TSGA10IP: variants seen among roughly 807,000 people sequenced by gnomAD.
TSGA10IP encodes testis specific 10 interacting protein.
Under a neutral mutation model 63.2 loss-of-function variants are expected in TSGA10IP, and 64 were observed. The observed-to-expected ratio is 1.01, with a 90% CI of 0.83 to 1.25. The LOEUF is 1.25. TSGA10IP is among the 50% of genes most tolerant of loss of function. The pLI is 0.00. For synonymous variants in TSGA10IP, 316 were observed against 298.3 expected, an observed-to-expected ratio of 1.06 and a Z score of -0.61; for missense variants, 681 against 710.1, an observed-to-expected ratio of 0.96 and a Z score of 0.47.
intron 1 of TSGA10IP, among the ~76,000 whole-genome samples, chr11:65,946,188 G>A (rs751419755): frequency 1.3e-5 from 2 of 152,222 alleles, no homozygotes; most frequent in South Asian, 2.1e-4. Flanking sequence ...GTGGCCTAGC[G>A]CAATGGTGAC....
At position 65,948,077 on chromosome 11, in the gene TSGA10IP, G is replaced by A. The variant is rs968758930; in HGVS notation, c.1080G>A (p.Ser360=). ...AGCGGAATGGAAAGGCCTATGCCTCGGGATACGATGAAACTTTCGTGTCTG... is the reference window on the plus strand; with the variant it reads ...AGCGGAATGGAAAGGCCTATGCCTCAGGATACGATGAAACTTTCGTGTCTG... Residue 360 remains serine (S), a synonymous_variant, in exon 4 of 8, where the codon TCG becomes TCA. Transcript: ENST00000532620. The A allele has an allele frequency of 7.5e-6, 12 of 1,590,766 alleles. No homozygotes were observed. In the East Asian group the frequency reaches 1.1e-4, roughly 15 times the overall value.
intron 5 of TSGA10IP, among the ~76,000 whole-genome samples, chr11:65,955,612 C>CA (rs112447996): frequency 0.04 from 4,903 of 122,388 alleles, 254 homozygotes; most frequent in African/African-American, 0.13. Context: ...GACTCCGTTT[C>CA]AAAAAAAAAA....
intron 5 of TSGA10IP, among the ~76,000 whole-genome samples, chr11:65,958,504 C>A (rs554594158): frequency 3.7e-4 from 56 of 152,276 alleles, no homozygotes; most frequent in Non-Finnish European, 7.1e-4. Flanking sequence ...ACAGCTCCCC[C>A]TCAAGGGAAA....
chr11:65,953,693 G>A, exon 5 of TSGA10IP: 1 of 1,582,558 alleles, frequency 6.3e-7, no homozygotes. Context: ...CACCCAGAGG[G>A]AGCCGGGGCC....
intron 5 of TSGA10IP, among the ~76,000 whole-genome samples, chr11:65,957,653 T>G (rs972348923): frequency 1.3e-5 from 2 of 152,146 alleles, no homozygotes; most frequent in African/African-American, 4.8e-5. Context: ...AAGGGTGGCA[T>G]GGCCCAGCAA....
exon 4 of TSGA10IP, chr11:65,948,053 G>A: frequency 6.3e-7 from 1 of 1,577,098 alleles, no homozygotes; most frequent in Non-Finnish European, 8.6e-7. Flanking sequence ...AGGCCTCCAA[G>A]CGGAATGGAA....
rs746617550 is a variant in TSGA10IP at position 65,946,897 on chromosome 11, T to C, written c.165T>C (p.Gly55=). ...CTGCCCAGGGCTGCCTGGGGAGTGG[T>C]GATGGTGTGCCAAATCAAGACCTGC... Residue 55 remains glycine (G), a synonymous_variant, in exon 2 of 8, where the codon GGT becomes GGC. Coordinates refer to ENST00000532620, the Ensembl canonical transcript of TSGA10IP. 4.3e-6 allele frequency: 7 copies of C among 1,613,786 alleles called. No homozygotes were observed. The South Asian group carries it at 7.7e-5, about 18-fold the overall frequency.
intron 5 of TSGA10IP, among the ~76,000 whole-genome samples, chr11:65,956,926 T>C (rs890948935): frequency 2.6e-5 from 4 of 152,196 alleles, no homozygotes; most frequent in African/African-American, 9.7e-5. Flanking sequence ...TCCTTTTACT[T>C]TCTATTTGAG....
chr11:65,957,744 C>T (rs1855050122), intron 5 of TSGA10IP, among the ~76,000 whole-genome samples: 1 of 152,106 alleles, frequency 6.6e-6, no homozygotes, highest in Admixed American at 6.6e-5. Context: ...TCTCCCCTCC[C>T]CTCCTGTCCT....
chr11:65,951,299 C>T (rs1485996841), intron 4 of TSGA10IP, among the ~76,000 whole-genome samples: 1 of 151,964 alleles, frequency 6.6e-6, no homozygotes, highest in Admixed American at 6.6e-5. Flanking sequence ...AATGACTGTA[C>T]TAATTTATAT....
rs1854995588 is a variant in TSGA10IP at position 65,954,648 on chromosome 11, T to C, written c.1322+911T>C. ...CCCTGACCAACATGGTGAAACCTCA[T>C]CTCTACTAAAAATACAAAAAGTAGC... On this transcript the variant is annotated intron_variant, in intron 5 of 7. Coordinates refer to ENST00000532620, the Ensembl canonical transcript of TSGA10IP. Among the ~76,000 whole-genome samples, 4 of 151,964 alleles carry C rather than the reference T, an allele frequency of 2.6e-5. No homozygotes were observed. The South Asian group carries it at 6.2e-4, about 24-fold the overall frequency.
At position 65,947,070 on chromosome 11, in the gene TSGA10IP, G is replaced by T. The variant is rs371835572; in HGVS notation, c.285-40G>T. On this transcript the variant is annotated intron_variant, in intron 2 of 7. Coordinates refer to ENST00000532620, the Ensembl canonical transcript of TSGA10IP. ...CTGTTGGGGGTCAGGGCCCTCTGGG[G>T]GCTGGCGCCGACCCTGACCCCCACC... is the stretch of plus-strand genomic sequence containing the variant. The T allele has an allele frequency of 9.7e-5, 156 of 1,609,800 alleles. No individual in the cohort carries two copies. In the South Asian group the frequency reaches 1.5e-3, roughly 16 times the overall value.
At chr11:65,946,696 A>C (rs1311998808) in intron 1 of TSGA10IP, among the ~76,000 whole-genome samples, 184 bp from the exon 2 acceptor site, 1 of 152,044 alleles carries the variant, frequency 6.6e-6, no homozygotes, top group East Asian at 1.9e-4. Flanking sequence ...TGGCCTCCCA[A>C]AGTGCTGGGG....
chr11:65,947,523 T>G, exon 3 of TSGA10IP: 1 of 1,613,332 alleles, frequency 6.2e-7, no homozygotes, highest in Non-Finnish European at 8.5e-7. Context: ...AGTTCTGGGG[T>G]GCTGCCCCAG....
chr11:65,953,355 A>G (rs944354572), intron 4 of TSGA10IP, among the ~76,000 whole-genome samples: 2 of 152,134 alleles, frequency 1.3e-5, no homozygotes, highest in East Asian at 3.8e-4. Flanking sequence ...TTCTAGAAAG[A>G]GTAGGGAAAG....
intron 7 of TSGA10IP, 70 bp from the exon 8 acceptor site, chr11:65,959,747 A>G (rs1477250199): frequency 1.3e-6 from 2 of 1,496,288 alleles, no homozygotes; most frequent in Admixed American, 4.7e-5. Context: ...TTGAAGCCAC[A>G]TTGTCAGTGG....
In TSGA10IP at chr11:65,957,234, T is replaced by A. The variant is rs189346628; in HGVS notation, c.1323-1649T>A. Among the ~76,000 whole-genome samples, 218 of 152,080 alleles carry A rather than the reference T, an allele frequency of 1.4e-3. 2 individuals are homozygous for A. Among genetic ancestry groups the A allele is most frequent in the Admixed American group, 1.6e-3 (24 of 15,274 alleles). ...GGTGCAATCTCGCCTCACCATAACC[T>A]CCAACTCCCCAGTTCAGACGATTCT... On this transcript the variant is annotated intron_variant, in intron 5 of 7. Transcript: ENST00000532620.
At chr11:65,947,126 C>A in exon 3 of TSGA10IP, 1 of 1,611,102 alleles carries the variant, frequency 6.2e-7, no homozygotes, top group South Asian at 1.1e-5. Context: ...CCCGCTTCTT[C>A]CTCGGAAACC....
In TSGA10IP at chr11:65,947,628, G is replaced by A. The variant is rs748190169; in HGVS notation, c.803G>A (p.Arg268Lys). The A allele has an allele frequency of 9.9e-6, 16 of 1,613,616 alleles. No individual in the cohort carries two copies. In the East Asian group the frequency reaches 3.1e-4, roughly 31 times the overall value. Residue 268 changes from arginine to lysine, a missense_variant, in exon 3 of 8, where the codon AGG becomes AAG. Physicochemically the swap from Arg to Lys is conservative, Grantham distance 26 (BLOSUM62 2). Transcript: ENST00000532620. ...GAGCACAGGACTCCCTGCAGAAGGA[G>A]GGCTGGTTGTCAGAGAAAGGGGCAG...
Sources: allele counts gnomAD v4.1 joint callset (sites outside exome capture counted in the v4.1 genomes callset), GRCh38; gene constraint gnomAD v4.1.1; transcripts MANE v1.5; gene names NCBI Gene and HGNC (gene_info 2026-07-23, HGNC 2026-07-21).